The following SESN2 variants were observed in gnomAD, a reference collection of about 807,000 sequenced individuals.
SESN2 encodes the protein sestrin 2, also known as sestrin-2.
SESN2 carries 42 observed loss-of-function variants against 56.0 expected under a neutral mutation model. The observed-to-expected ratio is 0.75, with a 90% CI of 0.59 to 0.97. The LOEUF is 0.97. SESN2 is among the 50% of genes least tolerant of loss of function. The pLI, the probability that SESN2 is intolerant of heterozygous loss-of-function variation, is 0.00. For synonymous variants in SESN2, 264 were observed against 267.1 expected (o/e 0.99, Z 0.11); for missense variants, 507 against 649.4 (o/e 0.78, Z 2.38).
rs527242802 is a variant in SESN2 at position 28,260,565 on chromosome 1, G to A, written c.90+628G>A. On this transcript the variant is annotated intron_variant, in intron 1 of 9. Coordinates refer to ENST00000253063, the MANE Select transcript of SESN2 (RefSeq NM_031459.5). ...TACGCGGCGGCGGCAGCCAAAGCTG[G>A]GGGGAGAGGGGACAACCCTGGTCGC... Among the ~76,000 whole-genome samples, 5 of 152,296 alleles carry A rather than the reference G, an allele frequency of 3.3e-5. No homozygotes were observed. The South Asian group carries it at 1.0e-3, about 32-fold the overall frequency.
intron 8 of SESN2, among the ~76,000 whole-genome samples, 161 bp from the exon 9 acceptor site, chr1:28,278,936 A>G (rs1333563859): frequency 1.3e-5 from 2 of 152,352 alleles, no homozygotes; most frequent in East Asian, 1.9e-4. Context: ...CTGTGATAAC[A>G]CGATATCAGC....
chr1:28,266,193 C>T (rs898458493), intron 1 of SESN2, among the ~76,000 whole-genome samples: 1 of 152,176 alleles, frequency 6.6e-6, no homozygotes, highest in Non-Finnish European at 1.5e-5. Context: ...ATGGTCCTCA[C>T]CCTGGCTGTT....
At chr1:28,273,957 C>T (rs933849307) in intron 6 of SESN2, 83 bp from the exon 7 acceptor site, 15 of 925,194 alleles carry the variant, frequency 1.6e-5, no homozygotes, top group Non-Finnish European at 2.3e-5. Context: ...CTGCCTTCCC[C>T]TCCCCCTTTT....
intron 8 of SESN2, among the ~76,000 whole-genome samples, chr1:28,278,083 T>C (rs1031491323): frequency 3.0e-4 from 45 of 152,342 alleles, no homozygotes; most frequent in African/African-American, 1.0e-3. Flanking sequence ...AGACTCATCA[T>C]CAACTTGCTT....
chr1:28,279,260 G>T lies in SESN2; in HGVS notation c.1356+19G>T. Reference sequence around the variant, plus strand: ...AGAGAAGGTATGACCTATACAGGCAGGGCAGGATGGAAGTAGACAGGCCAA... The same window carrying T: ...AGAGAAGGTATGACCTATACAGGCATGGCAGGATGGAAGTAGACAGGCCAA... On this transcript the variant is annotated intron_variant, in intron 9 of 9. Transcript: ENST00000253063. 4 of 1,613,518 alleles carry T rather than the reference G, an allele frequency of 2.5e-6. No individual in the cohort carries two copies. Among genetic ancestry groups the T allele is most frequent in the Non-Finnish European group, 3.4e-6 (4 of 1,179,906 alleles).
chr1:28,276,009 T>C (rs1648025202), intron 8 of SESN2, among the ~76,000 whole-genome samples: 1 of 152,046 alleles, frequency 6.6e-6, no homozygotes, highest in African/African-American at 2.4e-5. Flanking sequence ...TAGCCAGGCA[T>C]GGTGGCTGAC....
chr1:28,272,396 T>A lies in SESN2; in HGVS notation c.467T>A (p.Leu156Gln). The A allele has an allele frequency of 6.2e-7, 1 of 1,612,660 alleles. No individual in the cohort carries two copies. The highest frequency in any genetic ancestry group is 8.5e-7 in the Non-Finnish European group (1 of 1,179,684). Residue 156 changes from leucine to glutamine, a missense_variant, in exon 4 of 10, where the codon CTG (leucine) becomes CAG (glutamine). Coordinates refer to ENST00000253063, the MANE Select transcript of SESN2 (RefSeq NM_031459.5). ...LLGLHRAPEK[L>Q]RKLSEINKLL... The stretch of plus-strand genomic sequence containing the variant: ...GGCCTCCACCGGGCCCCCGAGAAGC[T>A]GCGCAAACTCAGCGAGATCAACAAG...
In SESN2 at chr1:28,282,385, A is replaced by G. The variant is rs1648279738; in HGVS notation, c.*1583A>G. On this transcript the variant is annotated 3_prime_UTR_variant, in exon 10 of 10. Transcript: ENST00000253063. ...GGGCATGTGATGACTGTAAATGTTC[A>G]CTGGGTGGGTAGGGAGTGGTATCCA... 6.6e-6 allele frequency: 1 copy of G among 152,216 alleles called. No individual in the cohort carries two copies. Among genetic ancestry groups the G allele is most frequent in the African/African-American group, 2.4e-5 (1 of 41,442 alleles). 9.4% of individuals were successfully genotyped at this position (152,216 alleles called of 1,614,324 possible).
rs1648222638 is a variant in SESN2, at chr1:28,281,054, C to T, written c.*252C>T. 1 of 424,702 alleles carries T rather than the reference C, an allele frequency of 2.4e-6. No homozygotes were observed. The highest frequency in any genetic ancestry group is 4.2e-6 in the Non-Finnish European group (1 of 236,204). The allele number at this position is 424,702 out of a possible 1,614,324, so 26.3% of individuals were successfully genotyped here. ...GGAGATCCTAAGGGACCACACCCTTCCTCCTTCCCCTGCCCACAGAGGCAG... is the reference window on the plus strand; with the variant it reads ...GGAGATCCTAAGGGACCACACCCTTTCTCCTTCCCCTGCCCACAGAGGCAG... On this transcript the variant is annotated 3_prime_UTR_variant, in exon 10 of 10. Transcript: ENST00000253063.
At chr1:28,275,148 G>T in intron 8 of SESN2, 133 bp downstream of exon 8, 1 of 641,318 alleles carries the variant, frequency 1.6e-6, no homozygotes, top group Non-Finnish European at 2.6e-6. Context: ...AAAGCAAATT[G>T]TGATTTTAAA....
At position 28,259,904 on chromosome 1, in the gene SESN2, C is replaced by A; in HGVS notation, c.57C>A (p.Ala19=). 6.8e-7 allele frequency: 1 copy of A among 1,468,268 alleles called. No individual in the cohort carries two copies. Among genetic ancestry groups the A allele is most frequent in the Non-Finnish European group, 9.0e-7 (1 of 1,114,582 alleles). The allele number at this position is 1,468,268 out of a possible 1,614,324, so 91.0% of individuals were successfully genotyped here. Residue 19 remains alanine, a synonymous_variant, in exon 1 of 10, where the codon GCC becomes GCA. Coordinates refer to ENST00000253063, the MANE Select transcript of SESN2 (RefSeq NM_031459.5). The part of the protein sequence containing the change: ...RAELKDYLRF[A]PGGVGDSGPG... The stretch of plus-strand genomic sequence containing the variant: ...AGCTCAAGGACTACCTGCGGTTCGC[C>A]CCGGGCGGCGTCGGCGACTCGGGCC...
At chr1:28,266,302 C>T (rs1378667463) in intron 1 of SESN2, among the ~76,000 whole-genome samples, 6 of 152,092 alleles carry the variant, frequency 3.9e-5, no homozygotes, top group Admixed American at 1.3e-4. Context: ...TCTAATGTAC[C>T]GCTTGGGTTG....
At chr1:28,262,124 C>A (rs1647393964) in intron 1 of SESN2, among the ~76,000 whole-genome samples, 1 of 152,034 alleles carries the variant, frequency 6.6e-6, no homozygotes, top group Non-Finnish European at 1.5e-5. Flanking sequence ...GAAAAGAGGA[C>A]CTTCGGACGG....
chr1:28,272,379 C>T lies in SESN2; in HGVS notation c.450C>T (p.His150=). The T allele has an allele frequency of 6.2e-7, 1 of 1,613,804 alleles. No homozygotes were observed. The highest frequency in any genetic ancestry group is 8.5e-7 in the Non-Finnish European group (1 of 1,180,014). ...GGDPEWLLGL[H]RAPEKLRKLS... ...ACCCTGAGTGGCTGCTGGGCCTCCA[C>T]CGGGCCCCCGAGAAGCTGCGCAAAC... Residue 150 remains histidine, a synonymous_variant, in exon 4 of 10, where the codon CAC becomes CAT. Transcript: ENST00000253063.
chr1:28,275,808 C>T (rs1359457101), intron 8 of SESN2, among the ~76,000 whole-genome samples: 1 of 151,798 alleles, frequency 6.6e-6, no homozygotes, highest in African/African-American at 2.4e-5. Flanking sequence ...AATCCCAGCA[C>T]TTTGGGATGG....
intron 8 of SESN2, among the ~76,000 whole-genome samples, chr1:28,278,022 T>G (rs1431302250): frequency 6.6e-6 from 1 of 152,222 alleles, no homozygotes; most frequent in Non-Finnish European, 1.5e-5. Context: ...CTGATCTGTT[T>G]TGACATTGGC....
chr1:28,271,701 G>C lies in SESN2; in HGVS notation c.184G>C (p.Glu62Gln), dbSNP rs769648213. 6.2e-7 allele frequency: 1 copy of C among 1,614,108 alleles called. No homozygotes were observed. The highest frequency in any genetic ancestry group is 1.7e-5 in the Admixed American group (1 of 60,020). Residue 62 changes from glutamate (E) to glutamine (Q), a missense_variant, in exon 3 of 10, where the codon GAG becomes CAG. By Grantham distance (29) the Glu-to-Gln change is conservative. Transcript: ENST00000253063. ...EVLREGAESLEQHLGLEALMS... is the reference protein window; with the variant it reads ...EVLREGAESLQQHLGLEALMS... The stretch of plus-strand genomic sequence containing the variant: ...CCTTCGGGAGGGGGCTGAGAGCCTC[G>C]AGCAGCACCTGGGGCTGGAGGCACT...
At chr1:28,262,112 G>T (rs74691619) in intron 1 of SESN2, among the ~76,000 whole-genome samples, 1 of 152,018 alleles carries the variant, frequency 6.6e-6, no homozygotes, top group Non-Finnish European at 1.5e-5. Flanking sequence ...TTCCTCTCTC[G>T]AGAAAAGAGG....
chr1:28,264,528 T>C (rs1385825430), intron 1 of SESN2, among the ~76,000 whole-genome samples: 1 of 150,170 alleles, frequency 6.7e-6, no homozygotes, highest in African/African-American at 2.5e-5. Context: ...CTAGCTGTTA[T>C]TTTGGACAGG....
Sources: gnomAD v4.1 joint callset for allele counts (sites outside exome capture counted in the v4.1 genomes callset) on GRCh38, gnomAD v4.1.1 for gene constraint, MANE v1.5 for transcripts, NCBI Gene and HGNC (gene_info 2026-07-23, HGNC 2026-07-21) for gene names.